The following LSM1 variants were observed in gnomAD, a reference collection of about 807,000 sequenced individuals.
LSM1 encodes LSM1 homolog, mRNA degradation associated, also known as U6 snRNA-associated Sm-like protein LSm1.
In LSM1, 13 loss-of-function variants were observed where a neutral mutation model predicts 18.0. The observed-to-expected ratio is 0.72, with a 90% confidence interval of 0.47 to 1.15. LSM1 has a LOEUF of 1.15. Ranked by LOEUF, LSM1 falls within the 50% of genes most tolerant of loss-of-function variation. The pLI is 0.00. For synonymous variants in LSM1, 46 were observed against 56.0 expected (o/e 0.82, Z 0.80); for missense variants, 152 against 157.7 (o/e 0.96, Z 0.19).
Position 38,163,444 on chromosome 8 carries a change from A to C in LSM1, c.*226T>G. On this transcript the variant is annotated 3_prime_UTR_variant, in exon 4 of 4. Transcript: ENST00000311351. The stretch of plus-strand genomic sequence containing the variant: ...AGAAGTAGTTGCTGGTGCCACAGTG[A>C]TGTGTGAAGGAGTCTATGCCACTGT... The C allele has an allele frequency of 4.7e-6, 2 of 426,284 alleles. No homozygotes were observed. Among genetic ancestry groups the C allele is most frequent in the Non-Finnish European group, 8.3e-6 (2 of 239,698 alleles). 26.4% of individuals were successfully genotyped at this position (426,284 alleles called of 1,614,324 possible).
intron 3 of LSM1, 33 bp from the exon 4 acceptor site, chr8:38,163,873 G>T: frequency 6.3e-7 from 1 of 1,593,582 alleles, no homozygotes; most frequent in Non-Finnish European, 8.6e-7. Flanking sequence ...AACTTCACCT[G>T]AAGACCAAGA....
At chr8:38,174,066 T>C (rs1230604344) in intron 1 of LSM1, among the ~76,000 whole-genome samples, 2 of 152,128 alleles carry the variant, frequency 1.3e-5, no homozygotes, top group Admixed American at 6.5e-5. Context: ...CGAATAACTT[T>C]GAAGAATGCA....
chr8:38,172,136 C>A, intron 1 of LSM1, 103 bp from the exon 2 acceptor site: 2 of 785,888 alleles, frequency 2.5e-6, no homozygotes, highest in Non-Finnish European at 2.1e-6. Flanking sequence ...TCGGCCAATG[C>A]ATTTAATGTG....
Position 38,163,539 on chromosome 8 carries a change from A to C in LSM1, c.*131T>G. On this transcript the variant is annotated 3_prime_UTR_variant, in exon 4 of 4. Transcript: ENST00000311351. ...ACGATTTCTTCATGTTGCATATGTAAAATAATTAAAAATAAAAGTGACTTT... is the reference window on the plus strand; with the variant it reads ...ACGATTTCTTCATGTTGCATATGTACAATAATTAAAAATAAAAGTGACTTT... 1 of 756,346 alleles carries C rather than the reference A, an allele frequency of 1.3e-6. No homozygotes were observed. Among genetic ancestry groups the C allele is most frequent in the East Asian group, 2.7e-5 (1 of 36,822 alleles). The allele number at this position is 756,346 out of a possible 1,614,324, so 46.9% of individuals were successfully genotyped here. A position where few individuals can be genotyped will look rare whatever the true frequency, so the allele number is the denominator to read the frequency against.
Position 38,171,985 on chromosome 8 carries a change from A to G in LSM1, c.95T>C (p.Leu32Ser). 6.2e-7 allele frequency: 1 copy of G among 1,611,588 alleles called. No individual in the cohort carries two copies. The highest frequency in any genetic ancestry group is 8.5e-7 in the Non-Finnish European group (1 of 1,178,914). The change falls in exon 2 of 4, where the codon TTA (leucine) becomes TCA (serine). Residue 32 changes from leucine to serine, a missense_variant. Transcript: ENST00000311351. ...CATACCAAATTGATCAATGCTTCTT[A>G]AAAAGCCTATAAGTGTCCTTCCATC... ...LRDGRTLIGF[L>S]RSIDQFANLV...
chr8:38,163,591 T>C lies in LSM1; in HGVS notation c.*79A>G. Reference sequence around the variant, plus strand: ...CAAAACTCTACAGTCTGTGATCAAATGCGTGAGGTGGCCAGGATGTCACTT... The same window carrying C: ...CAAAACTCTACAGTCTGTGATCAAACGCGTGAGGTGGCCAGGATGTCACTT... On this transcript the variant is annotated 3_prime_UTR_variant, in exon 4 of 4. Coordinates refer to ENST00000311351, the MANE Select transcript of LSM1 (RefSeq NM_014462.3). 7.8e-7 allele frequency: 1 copy of C among 1,275,626 alleles called. No homozygotes were observed. The highest frequency in any genetic ancestry group is 1.1e-6 in the Non-Finnish European group (1 of 894,684). 79.0% of individuals were successfully genotyped at this position (1,275,626 alleles called of 1,614,324 possible). A position where few individuals can be genotyped will look rare whatever the true frequency, so the allele number is the denominator to read the frequency against.
intron 1 of LSM1, among the ~76,000 whole-genome samples, chr8:38,172,324 CTTTTTT>C (rs66755601): frequency 4.0e-5 from 5 of 123,662 alleles, no homozygotes; most frequent in Admixed American, 1.7e-4. Flanking sequence ...TTCCTTTTTT[CTTTTTT>C]TTTTTTTTTG....
At chr8:38,164,015 T>C (rs1802885390) in intron 3 of LSM1, among the ~76,000 whole-genome samples, 175 bp from the exon 4 acceptor site, 1 of 152,160 alleles carries the variant, frequency 6.6e-6, no homozygotes, top group South Asian at 2.1e-4. Flanking sequence ...CTGACAACAC[T>C]ACTATAGGAT....
At chr8:38,174,806 T>C (rs1009010369) in intron 1 of LSM1, among the ~76,000 whole-genome samples, 2 of 151,984 alleles carry the variant, frequency 1.3e-5, no homozygotes, top group Non-Finnish European at 2.9e-5. Context: ...GTGGATCACC[T>C]GAGGTCAGGA....
At chr8:38,175,269 T>G (rs1325707972) in intron 1 of LSM1, among the ~76,000 whole-genome samples, 1 of 151,860 alleles carries the variant, frequency 6.6e-6, no homozygotes, top group Non-Finnish European at 1.5e-5. Flanking sequence ...GGTTTCACCA[T>G]GTTGGCTAGG....
intron 3 of LSM1, among the ~76,000 whole-genome samples, chr8:38,168,229 G>C (rs960975144): frequency 1.3e-5 from 2 of 151,502 alleles, no homozygotes; most frequent in Non-Finnish European, 2.9e-5. Flanking sequence ...CCGAAGTGCT[G>C]GGATTACAGG....
chr8:38,163,942 A>C (rs1428300737), intron 3 of LSM1, 102 bp from the exon 4 acceptor site: 5 of 1,047,448 alleles, frequency 4.8e-6, no homozygotes, highest in Admixed American at 2.1e-5. Context: ...ATTATTTTTC[A>C]TAACTGTGAC....
At chr8:38,172,219 G>C (rs1325779089) in intron 1 of LSM1, among the ~76,000 whole-genome samples, 186 bp from the exon 2 acceptor site, 1 of 151,392 alleles carries the variant, frequency 6.6e-6, no homozygotes, top group African/African-American at 2.4e-5. Context: ...GTAGTGAAAA[G>C]AATCAGAGCA....
chr8:38,169,188 A>ACTT (rs537281851), intron 3 of LSM1, among the ~76,000 whole-genome samples: 170 of 152,274 alleles, frequency 1.1e-3, no homozygotes, highest in African/African-American at 3.9e-3. Context: ...AAATCTGAGT[A>ACTT]CTTCTAGTAG....
intron 2 of LSM1, among the ~76,000 whole-genome samples, chr8:38,171,359 C>A (rs1803027212): frequency 6.6e-6 from 1 of 152,206 alleles, no homozygotes; most frequent in South Asian, 2.1e-4. Flanking sequence ...CTCCTTCAAA[C>A]CAGCTGACTC....
Position 38,170,722 on chromosome 8 carries a change from T to G in LSM1, c.116-805A>C, listed in dbSNP as rs72547255. On this transcript the variant is annotated intron_variant, in intron 2 of 3. Coordinates refer to ENST00000311351, the MANE Select transcript of LSM1 (RefSeq NM_014462.3). ...GGGTTATGATACAGCAAAAACCTAT[T>G]TTTTCACCTTGACAGATAACTATAT... 1.8e-3 allele frequency among the ~76,000 whole-genome samples: 278 copies of G among 152,322 alleles called. 2 individuals are homozygous for G. Among genetic ancestry groups the G allele is most frequent in the Non-Finnish European group, 3.4e-3 (231 of 68,016 alleles).
intron 3 of LSM1, among the ~76,000 whole-genome samples, chr8:38,166,880 A>C (rs1292872956): frequency 6.6e-6 from 1 of 152,218 alleles, no homozygotes; most frequent in African/African-American, 2.4e-5. Flanking sequence ...TGGGCTTTTC[A>C]GTATGTGACT....
intron 3 of LSM1, among the ~76,000 whole-genome samples, chr8:38,164,599 A>G (rs1213013719): frequency 6.6e-6 from 1 of 150,416 alleles, no homozygotes; most frequent in Non-Finnish European, 1.5e-5. Flanking sequence ...AGGTGGGAGG[A>G]TCACTTGGGC....
At chr8:38,175,025 C>CAAAAAAAAAAAAAA (rs1203614273) in intron 1 of LSM1, among the ~76,000 whole-genome samples, 1 of 57,098 alleles carries the variant, frequency 1.8e-5, no homozygotes, top group Non-Finnish European at 3.3e-5. Flanking sequence ...GACTCTGTCT[C>CAAAAAAAAAAAAAA]AAAAAAAAAA....
Sources: allele counts gnomAD v4.1 joint callset (sites outside exome capture counted in the v4.1 genomes callset), GRCh38; gene constraint gnomAD v4.1.1; transcripts MANE v1.5; gene names NCBI Gene and HGNC (gene_info 2026-07-23, HGNC 2026-07-21).